RPS6KC1: variants seen among roughly 807,000 people sequenced by gnomAD.
The protein encoded by RPS6KC1 is inactive ribosomal protein S6 kinase delta-1.
Under a neutral mutation model 103.8 loss-of-function variants are expected in RPS6KC1, and 54 were observed. The observed-to-expected ratio is 0.52, with a 90% CI of 0.42 to 0.65. The LOEUF (loss-of-function observed/expected upper bound fraction) is 0.65. Ranked by LOEUF, RPS6KC1 falls within the 30% of genes least tolerant of loss-of-function variation. RPS6KC1 has a pLI of 0.00. For missense variants in RPS6KC1, 1,151 were observed against 1,253.8 expected, an observed-to-expected ratio of 0.92 and a Z score of 1.24; for synonymous variants, 439 against 438.7, an observed-to-expected ratio of 1.00 and a Z score of -0.01.
chr1:213,267,131 C>G (rs755457173), intron 14 of RPS6KC1, among the ~76,000 whole-genome samples: 5 of 151,650 alleles, frequency 3.3e-5, no homozygotes, highest in Admixed American at 6.6e-5. Flanking sequence ...AAAGCCAGGG[C>G]AGATGTGGTT....
the RPS6KC1 span, among the ~76,000 whole-genome samples, chr1:213,613,977 G>A: frequency 6.6e-5 from 10 of 152,238 alleles, no homozygotes; most frequent in Non-Finnish European, 1.3e-4. Flanking sequence ...TTTTACTGCG[G>A]CTGGGTGGAG....
intron 7 of RPS6KC1, among the ~76,000 whole-genome samples, chr1:213,168,575 A>G (rs577892817): frequency 1.9e-4 from 29 of 152,122 alleles, no homozygotes; most frequent in Non-Finnish European, 2.8e-4. Flanking sequence ...ATCAAATGCA[A>G]TTTAAGAATT....
At chr1:213,475,452 C>T in the RPS6KC1 span, among the ~76,000 whole-genome samples, 1 of 152,204 alleles carries the variant, frequency 6.6e-6, no homozygotes, top group Non-Finnish European at 1.5e-5. Flanking sequence ...CCCTGCTCTT[C>T]TCTTCTCTGG....
the RPS6KC1 span, among the ~76,000 whole-genome samples, chr1:213,653,303 C>T: frequency 6.6e-6 from 1 of 152,054 alleles, no homozygotes. Context: ...ATTGAAAGTA[C>T]AAAAAGTTAG....
chr1:213,478,915 G>A, the RPS6KC1 span, among the ~76,000 whole-genome samples: 1 of 151,748 alleles, frequency 6.6e-6, no homozygotes, highest in Admixed American at 6.6e-5. Context: ...AATTTGATGA[G>A]TATTCAGTCT....
chr1:213,582,206 T>C, the RPS6KC1 span, among the ~76,000 whole-genome samples: 10 of 150,118 alleles, frequency 6.7e-5, no homozygotes, highest in African/African-American at 2.4e-4. Context: ...AGCTGAAAGG[T>C]AAAGGAAATC....
chr1:213,743,149 A>G, the RPS6KC1 span, among the ~76,000 whole-genome samples: 13 of 152,218 alleles, frequency 8.5e-5, no homozygotes, highest in African/African-American at 2.4e-5. Flanking sequence ...GTGTCCATCA[A>G]TGGTGGATTG....
the RPS6KC1 span, among the ~76,000 whole-genome samples, chr1:213,288,410 A>T: frequency 1.3e-5 from 2 of 152,366 alleles, no homozygotes; most frequent in South Asian, 2.1e-4. Flanking sequence ...AGACAAAAGG[A>T]TGAACCAACA....
the RPS6KC1 span, among the ~76,000 whole-genome samples, chr1:213,768,775 A>C: frequency 6.6e-6 from 1 of 152,232 alleles, no homozygotes; most frequent in Non-Finnish European, 1.5e-5. Context: ...GAGTCAAAAC[A>C]CCAAAATGGA....
chr1:213,392,336 G>A, the RPS6KC1 span, among the ~76,000 whole-genome samples: 2 of 152,076 alleles, frequency 1.3e-5, no homozygotes, highest in South Asian at 2.1e-4. Context: ...CCTACAGCCC[G>A]GTCTCAACTG....
At position 213,253,445 on chromosome 1, in the gene RPS6KC1, G is replaced by C. The variant is rs1029103494; in HGVS notation, c.2912-8113G>C. ...AAGTAAATTCTGAATTTGGGATATT[G>C]AAGGCCCCACAATTGCTTAAAATGC... On this transcript the variant is annotated intron_variant, in intron 12 of 14. Transcript: ENST00000366960. Among the ~76,000 whole-genome samples, 3 of 152,122 alleles carry C rather than the reference G, an allele frequency of 2.0e-5. No homozygotes were observed. The East Asian group carries it at 5.8e-4, about 29-fold the overall frequency.
chr1:213,647,586 G>A, the RPS6KC1 span, among the ~76,000 whole-genome samples: 1 of 152,114 alleles, frequency 6.6e-6, no homozygotes, highest in Non-Finnish European at 1.5e-5. Flanking sequence ...AATGACAGCA[G>A]TTATTCTAAA....
At chr1:213,812,825 GGGGA>G in the RPS6KC1 span, among the ~76,000 whole-genome samples, 2 of 152,142 alleles carry the variant, frequency 1.3e-5, no homozygotes, top group Non-Finnish European at 2.9e-5. Flanking sequence ...CACTGAATGT[GGGGA>G]GCTAAATTCC....
chr1:213,563,827 T>C, the RPS6KC1 span, among the ~76,000 whole-genome samples: 1 of 152,044 alleles, frequency 6.6e-6, no homozygotes, highest in Non-Finnish European at 1.5e-5. Context: ...GTATTTTAAT[T>C]ACTCTTTACT....
the RPS6KC1 span, among the ~76,000 whole-genome samples, chr1:213,377,042 C>T: frequency 6.6e-6 from 1 of 152,292 alleles, no homozygotes; most frequent in Non-Finnish European, 1.5e-5. Flanking sequence ...CCACATTCTC[C>T]TCTGGGAAGG....
the RPS6KC1 span, among the ~76,000 whole-genome samples, chr1:213,355,055 T>C: frequency 6.6e-6 from 1 of 152,016 alleles, no homozygotes; most frequent in Non-Finnish European, 1.5e-5. Flanking sequence ...CTGCCTCTAC[T>C]AAAAATACAA....
chr1:213,771,118 C>T, the RPS6KC1 span, among the ~76,000 whole-genome samples: 1 of 128,064 alleles, frequency 7.8e-6, no homozygotes, highest in Non-Finnish European at 1.7e-5. Flanking sequence ...GTCTCCTTCT[C>T]TCTCCTTTGT....
chr1:213,668,396 C>G, the RPS6KC1 span, among the ~76,000 whole-genome samples: 2 of 113,304 alleles, frequency 1.8e-5, no homozygotes, highest in Non-Finnish European at 4.1e-5. Flanking sequence ...ACCTTCCCCC[C>G]GCCGCACCAC....
chr1:213,164,849 G>T lies in RPS6KC1; in HGVS notation c.836-3009G>T, dbSNP rs181359518. On this transcript the variant is annotated intron_variant, in intron 6 of 14. Transcript: ENST00000366960. ...CTCCCAAAGTGCTGGAATTGTAGGA[G>T]TGAGCCACAGCCTAGTTTTTCTTTT... is the stretch of plus-strand genomic sequence containing the variant. 7.5e-3 allele frequency among the ~76,000 whole-genome samples: 1,137 copies of T among 152,324 alleles called. 6 individuals carry two copies. Among genetic ancestry groups the T allele is most frequent in the Middle Eastern group, 0.014 (4 of 294 alleles).
Sources: allele counts gnomAD v4.1 joint callset (sites outside exome capture counted in the v4.1 genomes callset), GRCh38; gene constraint gnomAD v4.1.1; transcripts MANE v1.5; gene names NCBI Gene and HGNC (gene_info 2026-07-23, HGNC 2026-07-21).